The following LDAH variants were observed in gnomAD, a reference collection of about 807,000 sequenced individuals.
LDAH encodes the protein lipid droplet-associated hydrolase.
Under a neutral mutation model 29.6 loss-of-function variants are expected in LDAH, and 26 were observed. The ratio of observed to expected loss-of-function variants is 0.88; its 90% CI spans 0.64 to 1.22. The LOEUF is 1.22. LDAH is among the 50% of genes most tolerant of loss of function. The pLI, the probability that LDAH is intolerant of heterozygous loss-of-function variation, is 0.00. For missense variants in LDAH, 344 were observed against 387.3 expected (o/e 0.89, Z 0.94); for synonymous variants, 117 against 133.0 (o/e 0.88, Z 0.83).
chr2:20,735,314 T>C (rs1176519422), intron 5 of LDAH, among the ~76,000 whole-genome samples: 2 of 152,166 alleles, frequency 1.3e-5, no homozygotes, highest in African/African-American at 4.8e-5. Context: ...TTTTCCCCTT[T>C]TTAGTCTATT....
At chr2:20,801,705 A>C (rs1671681980) in intron 1 of LDAH, among the ~76,000 whole-genome samples, 1 of 152,124 alleles carries the variant, frequency 6.6e-6, no homozygotes, top group South Asian at 2.1e-4. Context: ...ATGAAAGACT[A>C]TAGAGGGGTT....
At chr2:20,794,221 T>C (rs1056942519) in intron 2 of LDAH, among the ~76,000 whole-genome samples, 7 of 152,110 alleles carry the variant, frequency 4.6e-5, no homozygotes, top group African/African-American at 1.7e-4. Flanking sequence ...ATAAGACTTA[T>C]TCACTATCAC....
intron 4 of LDAH, among the ~76,000 whole-genome samples, chr2:20,746,516 ATACT>A (rs1248356412): frequency 6.6e-6 from 1 of 152,134 alleles, no homozygotes; most frequent in East Asian, 1.9e-4. Context: ...ATCACAACTA[ATACT>A]TAGTTGATGA....
intron 1 of LDAH, among the ~76,000 whole-genome samples, chr2:20,806,175 A>C (rs1672056285): frequency 6.6e-6 from 1 of 152,216 alleles, no homozygotes; most frequent in African/African-American, 2.4e-5. Context: ...AGAGGTAATA[A>C]GATGGTTTTC....
At chr2:20,704,117 T>C (rs1189418945) in intron 5 of LDAH, among the ~76,000 whole-genome samples, 1 of 152,214 alleles carries the variant, frequency 6.6e-6, no homozygotes, top group Non-Finnish European at 1.5e-5. Context: ...ACCATGCAGA[T>C]ACTTGGGTTA....
chr2:20,687,320 T>C (rs1343315756), intron 6 of LDAH, among the ~76,000 whole-genome samples: 1 of 152,210 alleles, frequency 6.6e-6, no homozygotes, highest in Non-Finnish European at 1.5e-5. Flanking sequence ...TGGGAGACTC[T>C]TGTGTGATAG....
At chr2:20,719,323 A>G (rs144280511) in intron 5 of LDAH, among the ~76,000 whole-genome samples, 6 of 151,948 alleles carry the variant, frequency 3.9e-5, no homozygotes, top group African/African-American at 1.4e-4. Context: ...CTGGTACCAG[A>G]AAAATAGAAA....
chr2:20,786,985 A>G (rs1020193414), intron 3 of LDAH, among the ~76,000 whole-genome samples: 1 of 152,226 alleles, frequency 6.6e-6, no homozygotes, highest in Non-Finnish European at 1.5e-5. Flanking sequence ...TCAAATTTTC[A>G]CAAAAGTACC....
intron 3 of LDAH, 102 bp from the exon 4 acceptor site, chr2:20,775,081 T>C: frequency 9.7e-7 from 1 of 1,033,552 alleles, no homozygotes. Flanking sequence ...TTACCATTTA[T>C]CGAAAGCCTA....
intron 4 of LDAH, among the ~76,000 whole-genome samples, chr2:20,768,675 A>T (rs1483307763): frequency 6.6e-6 from 1 of 152,126 alleles, no homozygotes; most frequent in Non-Finnish European, 1.5e-5. Flanking sequence ...TCCGCCAACC[A>T]CAGGTTTCTG....
chr2:20,764,264 A>G (rs866142304), intron 4 of LDAH, among the ~76,000 whole-genome samples: 1 of 152,246 alleles, frequency 6.6e-6, no homozygotes, highest in Non-Finnish European at 1.5e-5. Context: ...CATCATCTAC[A>G]ATACAAACTT....
chr2:20,794,977 A>G (rs1361070333), intron 2 of LDAH, among the ~76,000 whole-genome samples: 1 of 152,238 alleles, frequency 6.6e-6, no homozygotes, highest in African/African-American at 2.4e-5. Context: ...CCTTGTTAAG[A>G]AACCACAAAG....
intron 3 of LDAH, among the ~76,000 whole-genome samples, chr2:20,781,698 G>A (rs1175741939): frequency 6.6e-6 from 1 of 152,208 alleles, no homozygotes; most frequent in Non-Finnish European, 1.5e-5. Flanking sequence ...CTAAAAGGTG[G>A]AGACTGGCAA....
chr2:20,735,561 T>C (rs533418222), intron 5 of LDAH, among the ~76,000 whole-genome samples: 1 of 152,356 alleles, frequency 6.6e-6, no homozygotes, highest in Admixed American at 6.5e-5. Flanking sequence ...AAAGTTATTG[T>C]CAGATAATTC....
rs1274538149 is a variant in LDAH, at chr2:20,784,173, G to A, written c.298+6082C>T. Among the ~76,000 whole-genome samples the A allele has an allele frequency of 2.0e-5, 3 of 151,060 alleles. No individual in the cohort carries two copies. The East Asian group carries it at 6.0e-4, about 30-fold the overall frequency. Reference sequence around the variant, plus strand: ...GTAATCCCAGCACTTTAGGAGGCCAGGGCAGGTAGATCACTTGAGCCCAGG... The same window carrying A: ...GTAATCCCAGCACTTTAGGAGGCCAAGGCAGGTAGATCACTTGAGCCCAGG... On this transcript the variant is annotated intron_variant, in intron 3 of 6. Transcript: ENST00000237822.
rs1558369224 is a variant in LDAH at position 20,684,616 on chromosome 2, A to AG, written c.*2286dup. The stretch of plus-strand genomic sequence containing the variant: ...CCGTGTCTCTCCAAAGGTTGAGTGG[A>AG]GAAGCGTATGGTGAGAGGCCCTTGG... On this transcript the variant is annotated 3_prime_UTR_variant, in exon 7 of 7. Coordinates refer to ENST00000237822, the MANE Select transcript of LDAH (RefSeq NM_021925.4). The AG allele has an allele frequency of 6.1e-6, 2 of 325,314 alleles. No homozygotes were observed. Among genetic ancestry groups the AG allele is most frequent in the South Asian group, 1.8e-4 (2 of 11,340 alleles). The allele number at this position is 325,314 out of a possible 1,614,324, so 20.2% of individuals were successfully genotyped here.
At chr2:20,734,026 A>G (rs1411842128) in intron 5 of LDAH, among the ~76,000 whole-genome samples, 3 of 152,136 alleles carry the variant, frequency 2.0e-5, no homozygotes, top group Non-Finnish European at 2.9e-5. Flanking sequence ...CAACATGTTG[A>G]TATCAATTCT....
chr2:20,700,295 G>C (rs1198201191), intron 6 of LDAH, among the ~76,000 whole-genome samples: 3 of 152,098 alleles, frequency 2.0e-5, no homozygotes, highest in Non-Finnish European at 2.9e-5. Context: ...CTAGCCAACT[G>C]CTATTTCAGA....
chr2:20,782,688 C>G (rs141496242), intron 3 of LDAH, among the ~76,000 whole-genome samples: 1 of 152,096 alleles, frequency 6.6e-6, no homozygotes, highest in Non-Finnish European at 1.5e-5. Flanking sequence ...TTTCTGAATA[C>G]TTGTAATTTG....
Sources: allele counts gnomAD v4.1 joint callset (sites outside exome capture counted in the v4.1 genomes callset), GRCh38; gene constraint gnomAD v4.1.1; transcripts MANE v1.5; gene names NCBI Gene and HGNC (gene_info 2026-07-23, HGNC 2026-07-21).